Variants in KAZN observed in about 807,000 individuals in gnomAD.
The protein encoded by KAZN is kazrin, periplakin interacting protein, also known as kazrin.
In KAZN, 40 loss-of-function variants were observed where a neutral mutation model predicts 87.4. The observed-to-expected ratio is 0.46, with a 90% CI of 0.36 to 0.60. KAZN has a LOEUF of 0.60. Among genes scored for constraint, KAZN ranks in the 20% least tolerant of loss-of-function variants. The pLI, the probability that KAZN is intolerant of heterozygous loss-of-function variation, is 0.00. For synonymous variants in KAZN, 466 were observed against 458.3 expected (o/e 1.02, Z -0.22); for missense variants, 898 against 1,073.9 (o/e 0.84, Z 2.29).
chr1:14,353,638 A>G (rs868462743), intron 2 of KAZN, among the ~76,000 whole-genome samples: 2 of 152,240 alleles, frequency 1.3e-5, no homozygotes, highest in African/African-American at 2.4e-5. Context: ...ATTTAATACT[A>G]TCTTTTAGCA....
intron 2 of KAZN, among the ~76,000 whole-genome samples, chr1:14,259,191 G>A (rs971701610): frequency 6.6e-6 from 1 of 152,044 alleles, no homozygotes; most frequent in African/African-American, 2.4e-5. Flanking sequence ...TCCTGGCTCC[G>A]CACTTGGTGT....
At chr1:14,407,811 G>A (rs1405150843) in intron 2 of KAZN, among the ~76,000 whole-genome samples, 1 of 152,144 alleles carries the variant, frequency 6.6e-6, no homozygotes, top group Non-Finnish European at 1.5e-5. Context: ...GAGGCTTATG[G>A]TAGGTCTTAA....
intron 1 of KAZN, among the ~76,000 whole-genome samples, chr1:14,802,664 G>A (rs1466890543): frequency 6.6e-6 from 1 of 152,182 alleles, no homozygotes. Context: ...GTTGCTTCCC[G>A]GCACCGCTGT....
intron 1 of KAZN, among the ~76,000 whole-genome samples, chr1:14,701,147 C>T (rs183504528): frequency 2.7e-3 from 417 of 152,240 alleles, no homozygotes; most frequent in Non-Finnish European, 5.2e-3. Context: ...GACAGGAAGT[C>T]GCTCTGTCAC....
chr1:14,935,987 C>T (rs1300050370), intron 1 of KAZN, among the ~76,000 whole-genome samples: 1 of 152,248 alleles, frequency 6.6e-6, no homozygotes, highest in Non-Finnish European at 1.5e-5. Context: ...GGGCCCATTT[C>T]CCTGGAGCCT....
chr1:14,999,766 C>T (rs892074153), intron 2 of KAZN, among the ~76,000 whole-genome samples: 1 of 152,350 alleles, frequency 6.6e-6, no homozygotes, highest in East Asian at 1.9e-4. Flanking sequence ...CAACTCAGGC[C>T]AGGCCTGGAC....
intron 2 of KAZN, among the ~76,000 whole-genome samples, chr1:14,966,165 A>G (rs997059125): frequency 3.3e-5 from 5 of 151,944 alleles, no homozygotes; most frequent in Non-Finnish European, 7.4e-5. Flanking sequence ...TTTTTAGCAG[A>G]GACAGGATTT....
In KAZN at chr1:14,536,807, G is replaced by A. The variant is rs993194570; in HGVS notation, c.250-62176G>A. On this transcript the variant is annotated intron_variant, in intron 2 of 16. Coordinates refer to the KAZN transcript ENST00000636203. ...TGAGGCAGGAGAATCACTTGAACCC[G>A]GGAGGCGGATGTTGCAGTGAGCCGA... 6.6e-5 allele frequency among the ~76,000 whole-genome samples: 10 copies of A among 152,150 alleles called. 1 individual carries two copies. Among genetic ancestry groups the A allele is most frequent in the Admixed American group, 4.6e-4 (7 of 15,276 alleles).
intron 3 of KAZN, among the ~76,000 whole-genome samples, chr1:15,039,005 T>A (rs1170450640): frequency 6.7e-6 from 1 of 149,300 alleles, no homozygotes; most frequent in Non-Finnish European, 1.5e-5. Flanking sequence ...GACATGAATG[T>A]GATATTACCA....
intron 1 of KAZN, among the ~76,000 whole-genome samples, chr1:14,736,596 C>A (rs1643916646): frequency 1.3e-5 from 2 of 151,674 alleles, no homozygotes; most frequent in Admixed American, 1.3e-4. Context: ...CAGGCGTGAG[C>A]CACCACTCTC....
At chr1:15,007,687 G>A (rs919362005) in intron 2 of KAZN, among the ~76,000 whole-genome samples, 5 of 152,116 alleles carry the variant, frequency 3.3e-5, no homozygotes, top group Admixed American at 6.5e-5. Flanking sequence ...TCACCTGCCC[G>A]CCTCCATAAC....
chr1:15,068,283 G>C (rs1022093573), intron 8 of KAZN: 2 of 175,544 alleles, frequency 1.1e-5, no homozygotes, highest in African/African-American at 4.8e-5. Flanking sequence ...GGATGGGAGG[G>C]GCCGAGGAAA....
At chr1:14,429,235 T>G (rs1665909766) in intron 2 of KAZN, among the ~76,000 whole-genome samples, 1 of 152,200 alleles carries the variant, frequency 6.6e-6, no homozygotes, top group African/African-American at 2.4e-5. Flanking sequence ...TCAGCATCTC[T>G]GAGGAATGAA....
intron 1 of KAZN, among the ~76,000 whole-genome samples, chr1:13,956,930 G>A (rs1289182842): frequency 2.6e-5 from 4 of 152,206 alleles, no homozygotes; most frequent in African/African-American, 9.7e-5. Flanking sequence ...CAGGTCAGGA[G>A]TCTAATTGTA....
At chr1:14,768,948 A>G (rs556824811) in intron 1 of KAZN, among the ~76,000 whole-genome samples, 1 of 152,358 alleles carries the variant, frequency 6.6e-6, no homozygotes, top group East Asian at 1.9e-4. Context: ...GTACCATCAC[A>G]TTGGGTTGAA....
At position 14,261,186 on chromosome 1, in the gene KAZN, T is replaced by TAC. The variant is rs1197663667; in HGVS notation, c.249+80595_249+80596dup. Among the ~76,000 whole-genome samples, 7 of 152,328 alleles carry TAC rather than the reference T, an allele frequency of 4.6e-5. No homozygotes were observed. In the East Asian group the frequency reaches 1.2e-3, roughly 25 times the overall value. On this transcript the variant is annotated intron_variant, in intron 2 of 16. Transcript: ENST00000636203. ...GGGTTCAAATCCTGGCTCAGCCCCT[T>TAC]ACTATTGTGAGATCTTAGACAAGGA...
At chr1:14,562,866 T>C (rs1444834528) in intron 2 of KAZN, among the ~76,000 whole-genome samples, 1 of 152,242 alleles carries the variant, frequency 6.6e-6, no homozygotes, top group African/African-American at 2.4e-5. Context: ...AGGAGAAGGC[T>C]GTTTTAATGA....
chr1:14,021,167 G>T (rs747086986), intron 1 of KAZN, among the ~76,000 whole-genome samples: 2 of 152,132 alleles, frequency 1.3e-5, no homozygotes, highest in Admixed American at 6.5e-5. Context: ...CAGCATCCTT[G>T]GCCTCTGTCC....
At chr1:14,604,294 G>A (rs1677193582) in intron 1 of KAZN, among the ~76,000 whole-genome samples, 1 of 152,100 alleles carries the variant, frequency 6.6e-6, no homozygotes, top group African/African-American at 2.4e-5. Context: ...CATCTTTCCC[G>A]AAGCCAACAG....
Sources: gnomAD v4.1 joint callset for allele counts (sites outside exome capture counted in the v4.1 genomes callset) on GRCh38, gnomAD v4.1.1 for gene constraint, MANE v1.5 for transcripts, NCBI Gene and HGNC (gene_info 2026-07-23, HGNC 2026-07-21) for gene names.